Variants in KIAA0319L observed in about 807,000 individuals in gnomAD.
KIAA0319L encodes the protein KIAA0319 like, also known as dyslexia-associated protein KIAA0319-like protein.
In KIAA0319L, 55 loss-of-function variants were observed where a neutral mutation model predicts 120.1. That is an observed-to-expected ratio of 0.46 (90% CI 0.37 to 0.57). KIAA0319L has a LOEUF of 0.57. Ranked by LOEUF, KIAA0319L falls within the 20% of genes least tolerant of loss-of-function variation. The pLI, the probability that KIAA0319L is intolerant of heterozygous loss-of-function variation, is 0.00. For missense variants in KIAA0319L, 1,049 were observed against 1,255.3 expected (o/e 0.84, Z 2.48); for synonymous variants, 398 against 471.9 (o/e 0.84, Z 2.03).
rs934369251 is a variant in KIAA0319L, at chr1:35,434,788, G to A, written c.*106C>T. 1.0e-5 allele frequency: 10 copies of A among 1,002,462 alleles called. No individual in the cohort carries two copies. Among genetic ancestry groups the A allele is most frequent in the South Asian group, 8.2e-5 (5 of 60,702 alleles). The allele number at this position is 1,002,462 out of a possible 1,614,324, so 62.1% of individuals were successfully genotyped here. A position where few individuals can be genotyped will look rare whatever the true frequency, so the allele number is the denominator to read the frequency against. On this transcript the variant is annotated 3_prime_UTR_variant, in exon 21 of 21. Transcript: ENST00000325722. ...GGGTTCTGGTTGGGACTGTCAGGGC[G>A]AAATGACCAGCAGATGCTGGGACAG...
At chr1:35,553,432 T>A (rs1647459766) in intron 2 of KIAA0319L, among the ~76,000 whole-genome samples, 1 of 150,900 alleles carries the variant, frequency 6.6e-6, no homozygotes, top group Admixed American at 6.6e-5. Context: ...TCATCAACCA[T>A]CACTGCAAGA....
At chr1:35,454,563 G>C (rs762032251) in intron 10 of KIAA0319L, 78 bp from the exon 11 acceptor site, 134 of 1,576,960 alleles carry the variant, frequency 8.5e-5, no homozygotes, top group Middle Eastern at 5.0e-4. Context: ...TGGTAAAAAC[G>C]ATTTAGTTTT....
chr1:35,484,779 T>TG (rs1360225627), intron 3 of KIAA0319L, among the ~76,000 whole-genome samples: 1 of 37,860 alleles, frequency 2.6e-5, no homozygotes, highest in Non-Finnish European at 4.3e-5. Flanking sequence ...TATATATATA[T>TG]ATATATATAT....
chr1:35,487,213 C>A (rs371069155), intron 3 of KIAA0319L, among the ~76,000 whole-genome samples: 1 of 152,024 alleles, frequency 6.6e-6, no homozygotes, highest in Admixed American at 6.6e-5. Context: ...AGACTTTGCT[C>A]CTTACAGTGT....
chr1:35,451,808 T>C, intron 12 of KIAA0319L, 32 bp from the exon 13 acceptor site: 5 of 1,611,212 alleles, frequency 3.1e-6, no homozygotes, highest in Non-Finnish European at 4.2e-6. Context: ...GGTAGAGTTG[T>C]ACCTGTCTGC....
intron 3 of KIAA0319L, among the ~76,000 whole-genome samples, chr1:35,486,692 G>GAT (rs1227804843): frequency 7.5e-6 from 1 of 133,290 alleles, no homozygotes; most frequent in Non-Finnish European, 1.5e-5. Context: ...CTCAAGGCCA[G>GAT]AAGTTCAAGA....
Position 35,464,407 on chromosome 1 carries a change from C to T in KIAA0319L, c.1202-1694G>A, listed in dbSNP as rs372907908. ...CGCAGAGACTGGCAGCATTTTGCCC[C>T]GGCCCTAGAGATCTGCAGAACTTTG... is the stretch of plus-strand genomic sequence containing the variant. On this transcript the variant is annotated intron_variant, in intron 7 of 20. Coordinates refer to ENST00000325722, the MANE Select transcript of KIAA0319L (RefSeq NM_024874.5). Among the ~76,000 whole-genome samples, 10 of 152,292 alleles carry T rather than the reference C, an allele frequency of 6.6e-5. No homozygotes were observed. In the East Asian group the frequency reaches 1.5e-3, roughly 24 times the overall value.
chr1:35,526,431 G>GTA (rs71571802), intron 2 of KIAA0319L, among the ~76,000 whole-genome samples: 1,689 of 125,466 alleles, frequency 0.013, 24 homozygotes, highest in South Asian at 0.02. Flanking sequence ...ATATATATAT[G>GTA]TATATATATA....
intron 2 of KIAA0319L, among the ~76,000 whole-genome samples, chr1:35,537,878 C>G (rs1236205376): frequency 6.6e-6 from 1 of 152,072 alleles, no homozygotes; most frequent in African/African-American, 2.4e-5. Flanking sequence ...TTTCTTAGGG[C>G]TCTTATTCTC....
intron 3 of KIAA0319L, among the ~76,000 whole-genome samples, chr1:35,496,152 G>A (rs927484732): frequency 5.9e-5 from 9 of 152,192 alleles, no homozygotes; most frequent in Admixed American, 5.2e-4. Flanking sequence ...GGTTATGGTG[G>A]CTCACGCCTG....
In KIAA0319L at chr1:35,453,470, G is replaced by A; in HGVS notation, c.1913+87C>T. 2 of 1,303,018 alleles carry A rather than the reference G, an allele frequency of 1.5e-6. No homozygotes were observed. The highest frequency in any genetic ancestry group is 2.2e-6 in the Non-Finnish European group (2 of 922,146). The allele number at this position is 1,303,018 out of a possible 1,614,324, so 80.7% of individuals were successfully genotyped here. ...CACCCCACTGGATAAGCCAATAAGA[G>A]CAACTCAACTCATAATAGCAAATAA... On this transcript the variant is annotated intron_variant, in intron 12 of 20. Coordinates refer to ENST00000325722, the MANE Select transcript of KIAA0319L (RefSeq NM_024874.5). This position sits in a 1 kb window ranked among gnomAD's most constrained non-coding sequence, Gnocchi z 4.1.
In KIAA0319L at chr1:35,486,119, T is replaced by C. The variant is rs573414145; in HGVS notation, c.667-6907A>G. On this transcript the variant is annotated intron_variant, in intron 3 of 20. Coordinates refer to ENST00000325722, the MANE Select transcript of KIAA0319L (RefSeq NM_024874.5). ...AAGAATAAATTCTTAGGCTGGGGTG[T>C]GGTGGCTCAAGCCAGCGCTTTGAGA... Among the ~76,000 whole-genome samples, 6 of 152,304 alleles carry C rather than the reference T, an allele frequency of 3.9e-5. No homozygotes were observed. The South Asian group carries it at 1.2e-3, about 32-fold the overall frequency.
At chr1:35,451,159 G>A (rs1005517961) in intron 13 of KIAA0319L, among the ~76,000 whole-genome samples, 2 of 152,178 alleles carry the variant, frequency 1.3e-5, no homozygotes, top group African/African-American at 4.8e-5. Flanking sequence ...GTAAACTAGA[G>A]CAAGGCCTCT....
At chr1:35,551,403 C>T (rs924526913) in intron 2 of KIAA0319L, among the ~76,000 whole-genome samples, 1 of 152,098 alleles carries the variant, frequency 6.6e-6, no homozygotes, top group Non-Finnish European at 1.5e-5. Context: ...CTGCAACCCC[C>T]GCCTCCCGGG....
In KIAA0319L at chr1:35,448,238, C is replaced by T. The variant is rs1238982880; in HGVS notation, c.2448G>A (p.Gly816=). ...CGGAATCCAGCACCCCCAGGAGGAC[C>T]CCAATCTGGCGGATGAACATCCCCT... ...RLKGMFIRQI[G]VLLGVLDSDI... Residue 816 remains glycine (G), a synonymous_variant, in exon 16 of 21, where the codon GGG becomes GGA. Transcript: ENST00000325722. 6.2e-7 allele frequency: 1 copy of T among 1,614,130 alleles called. No homozygotes were observed. The highest frequency in any genetic ancestry group is 1.7e-5 in the Admixed American group (1 of 60,002).
rs1489031406 is a variant in KIAA0319L at position 35,434,088 on chromosome 1, T to TC, written c.*805_*806insG. On this transcript the variant is annotated 3_prime_UTR_variant, in exon 21 of 21. Transcript: ENST00000325722. ...GGGGGGGCCAGATATCATTTCTTTT[T>TC]TTTTTTTTTTTTTTTTGACGGAGTC... 12 of 147,894 alleles carry TC rather than the reference T, an allele frequency of 8.1e-5. No individual in the cohort carries two copies. Among genetic ancestry groups the TC allele is most frequent in the South Asian group, 4.3e-4 (2 of 4,632 alleles). The allele number at this position is 147,894 out of a possible 1,614,324, so 9.2% of individuals were successfully genotyped here. A position where few individuals can be genotyped will look rare whatever the true frequency, so the allele number is the denominator to read the frequency against.
At chr1:35,444,795 T>C (rs80301997) in intron 16 of KIAA0319L, among the ~76,000 whole-genome samples, 72 of 152,350 alleles carry the variant, frequency 4.7e-4, no homozygotes, top group Non-Finnish European at 1.0e-3. Flanking sequence ...ATGTAAATTG[T>C]TGGACAGCAT....
At chr1:35,485,659 C>A (rs768725130) in intron 3 of KIAA0319L, among the ~76,000 whole-genome samples, 1 of 152,178 alleles carries the variant, frequency 6.6e-6, no homozygotes, top group Non-Finnish European at 1.5e-5. Flanking sequence ...ACAGGCACTG[C>A]AACCTTCAGC....
In KIAA0319L at chr1:35,506,255, G is replaced by A. The variant is rs1422829017; in HGVS notation, c.666+357C>T. On this transcript the variant is annotated intron_variant, in intron 3 of 20. Transcript: ENST00000325722. The surrounding 1 kb of genome is among the most constrained non-coding windows in gnomAD (Gnocchi z 4.0). ...GCGAGAGATGGAGGAGAACTTGACT[G>A]TAACCACATCAATCAACTGTTTTGC... 2.0e-5 allele frequency among the ~76,000 whole-genome samples: 3 copies of A among 152,196 alleles called. No homozygotes were observed. The highest frequency in any genetic ancestry group is 4.4e-5 in the Non-Finnish European group (3 of 68,034).
Sources: gnomAD v4.1 joint callset for allele counts (sites outside exome capture counted in the v4.1 genomes callset) on GRCh38, gnomAD v4.1.1 for gene constraint, Gnocchi (gnomAD v3.1) non-coding constraint, MANE v1.5 for transcripts, NCBI Gene and HGNC (gene_info 2026-07-23, HGNC 2026-07-21) for gene names.